Variants in SH3GL1 observed in about 807,000 individuals in gnomAD.
The protein encoded by SH3GL1 is SH3 domain containing GRB2 like 1, endophilin A2, also known as endophilin-A2.
In SH3GL1, 21 loss-of-function variants were observed where a neutral mutation model predicts 48.8. The ratio of observed to expected loss-of-function variants is 0.43; its 90% CI spans 0.30 to 0.62. The LOEUF (loss-of-function observed/expected upper bound fraction) is 0.62. Among genes scored for constraint, SH3GL1 ranks in the 20% least tolerant of loss-of-function variants. The pLI, the probability that SH3GL1 is intolerant of heterozygous loss-of-function variation, is 0.11. For synonymous variants in SH3GL1, 282 were observed against 217.5 expected (o/e 1.30, Z -2.61); for missense variants, 454 against 503.0 (o/e 0.90, Z 0.93).
intron 1 of SH3GL1, among the ~76,000 whole-genome samples, chr19:4,385,660 C>T (rs1324670172): frequency 6.6e-6 from 1 of 152,174 alleles, no homozygotes. Context: ...ACAGAGGGGC[C>T]CACTGGTGCC....
At position 4,365,641 on chromosome 19, in the gene SH3GL1, C is replaced by T; in HGVS notation, c.188-16G>A. The T allele has an allele frequency of 6.2e-7, 1 of 1,613,424 alleles. No individual in the cohort carries two copies. ...GCCCGCGAGGCTGGGATAGGATGGC[C>T]AGGTGGGTGTGGGCTGTGAGGCCTG... On this transcript the variant is annotated splice_polypyrimidine_tract_variant and intron_variant, in intron 3 of 9. Coordinates refer to ENST00000269886, the MANE Select transcript of SH3GL1 (RefSeq NM_003025.4).
intron 1 of SH3GL1, among the ~76,000 whole-genome samples, chr19:4,374,797 G>A (rs560032964): frequency 9.8e-5 from 15 of 152,290 alleles, no homozygotes; most frequent in African/African-American, 3.4e-4. Flanking sequence ...AACGCATGCC[G>A]AGGACGCACC....
At chr19:4,392,693 T>A (rs1973360012) in intron 1 of SH3GL1, among the ~76,000 whole-genome samples, 1 of 152,018 alleles carries the variant, frequency 6.6e-6, no homozygotes, top group Admixed American at 6.6e-5. Flanking sequence ...AGGCCTGTAA[T>A]CCCAGCACAA....
intron 4 of SH3GL1, chr19:4,364,776 G>A: frequency 6.2e-6 from 1 of 161,928 alleles, no homozygotes; most frequent in Non-Finnish European, 1.3e-5. Context: ...TCGGCTCACT[G>A]CAACCTCCAC....
At chr19:4,386,245 CCA>C (rs1973232342) in intron 1 of SH3GL1, among the ~76,000 whole-genome samples, 1 of 152,154 alleles carries the variant, frequency 6.6e-6, no homozygotes, top group Non-Finnish European at 1.5e-5. Context: ...GGGCCTCATC[CCA>C]CAGAGGCGGG....
At chr19:4,377,018 T>C (rs1258015438) in intron 1 of SH3GL1, among the ~76,000 whole-genome samples, 1 of 152,230 alleles carries the variant, frequency 6.6e-6, no homozygotes, top group Non-Finnish European at 1.5e-5. Context: ...ACCTTCCCTT[T>C]TGTGGCTCGT....
At chr19:4,381,576 CT>C (rs1222951171) in intron 1 of SH3GL1, among the ~76,000 whole-genome samples, 2 of 107,382 alleles carry the variant, frequency 1.9e-5, no homozygotes, top group East Asian at 6.9e-4. Flanking sequence ...TCTGTTCCCC[CT>C]GCCTCTCTCT....
intron 1 of SH3GL1, among the ~76,000 whole-genome samples, chr19:4,397,166 G>A (rs1039473995): frequency 6.6e-6 from 1 of 152,164 alleles, no homozygotes; most frequent in African/African-American, 2.4e-5. Flanking sequence ...ATGTCAGAGG[G>A]AACCATGGCA....
chr19:4,369,508 C>G (rs1972853239), intron 1 of SH3GL1, among the ~76,000 whole-genome samples: 1 of 152,240 alleles, frequency 6.6e-6, no homozygotes, highest in Admixed American at 6.5e-5. Flanking sequence ...CCTTCCCCAG[C>G]CCCCTGCCTC....
In SH3GL1 at chr19:4,367,415, G is replaced by A. The variant is rs1385532578; in HGVS notation, c.46-421C>T. ...TCTGCCCCCATCCTTGAGTATGTGG[G>A]GTCTACTTAAAAAAAAAAATCCTGC... On this transcript the variant is annotated intron_variant, in intron 1 of 9. Coordinates refer to ENST00000269886, the MANE Select transcript of SH3GL1 (RefSeq NM_003025.4). The surrounding 1 kb of genome is among the most constrained non-coding windows in gnomAD (Gnocchi z 4.2). Among the ~76,000 whole-genome samples the A allele has an allele frequency of 1.3e-5, 2 of 151,172 alleles. No individual in the cohort carries two copies.
At chr19:4,379,997 T>C (rs914867304) in intron 1 of SH3GL1, among the ~76,000 whole-genome samples, 3 of 152,138 alleles carry the variant, frequency 2.0e-5, no homozygotes, top group African/African-American at 7.2e-5. Context: ...CCTCCCAGGG[T>C]GGCTTCCACT....
rs1215796976 is a variant in SH3GL1, at chr19:4,400,279, C to G, written c.45+45G>C. Reference sequence around the variant, plus strand: ...GTCGGGCCTGGCTCCCTCATCCGGGCAGCCCGGGGCCCGGTACTCGGCTCC... The same window carrying G: ...GTCGGGCCTGGCTCCCTCATCCGGGGAGCCCGGGGCCCGGTACTCGGCTCC... On this transcript the variant is annotated intron_variant, in intron 1 of 9. Transcript: ENST00000269886. The surrounding 1 kb of genome is among the most constrained non-coding windows in gnomAD (Gnocchi z 4.1). 6.3e-7 allele frequency: 1 copy of G among 1,579,076 alleles called. No homozygotes were observed. The highest frequency in any genetic ancestry group is 8.6e-7 in the Non-Finnish European group (1 of 1,166,060).
intron 1 of SH3GL1, among the ~76,000 whole-genome samples, chr19:4,375,540 A>G (rs1374845233): frequency 6.6e-6 from 1 of 152,172 alleles, no homozygotes; most frequent in East Asian, 1.9e-4. Context: ...TGTGGGACAC[A>G]CGCTCCCACC....
At chr19:4,364,514 T>C (rs1450076688) in intron 4 of SH3GL1, 2 of 398,842 alleles carry the variant, frequency 5.0e-6, no homozygotes, top group East Asian at 1.1e-4. Flanking sequence ...CACTGCAACC[T>C]CTGCCTCCCA....
chr19:4,393,179 T>A (rs1357312419), intron 1 of SH3GL1, among the ~76,000 whole-genome samples: 1 of 151,944 alleles, frequency 6.6e-6, no homozygotes, highest in Non-Finnish European at 1.5e-5. Flanking sequence ...GAGAATTGCT[T>A]GAACCCAGGA....
intron 1 of SH3GL1, among the ~76,000 whole-genome samples, chr19:4,381,914 C>T (rs961302546): frequency 2.6e-5 from 4 of 151,698 alleles, no homozygotes; most frequent in African/African-American, 9.7e-5. Flanking sequence ...AGGATGGTCT[C>T]GATGACCACA....
intron 1 of SH3GL1, among the ~76,000 whole-genome samples, chr19:4,386,479 T>A (rs1238994835): frequency 6.6e-6 from 1 of 151,518 alleles, no homozygotes; most frequent in Non-Finnish European, 1.5e-5. Context: ...GGGAACTCTT[T>A]TTTTTTTTTA....
chr19:4,397,393 C>G (rs1335365525), intron 1 of SH3GL1, among the ~76,000 whole-genome samples: 1 of 152,244 alleles, frequency 6.6e-6, no homozygotes, highest in Non-Finnish European at 1.5e-5. Context: ...GATCTGAACG[C>G]AGGTCATCCT....
At chr19:4,370,774 G>A (rs1599599748) in intron 1 of SH3GL1, among the ~76,000 whole-genome samples, 1 of 152,246 alleles carries the variant, frequency 6.6e-6, no homozygotes, top group African/African-American at 2.4e-5. Context: ...GTGAGGTTTG[G>A]CCAACCCTGC....
Sources: allele counts gnomAD v4.1 joint callset (sites outside exome capture counted in the v4.1 genomes callset), GRCh38; gene constraint gnomAD v4.1.1; non-coding constraint Gnocchi (gnomAD v3.1); transcripts MANE v1.5; gene names NCBI Gene and HGNC (gene_info 2026-07-23, HGNC 2026-07-21).